CNOT4: variants seen among roughly 807,000 people sequenced by gnomAD.
The protein encoded by CNOT4 is CCR4-associated factor 4.
CNOT4 carries 8 observed loss-of-function variants against 73.8 expected under a neutral mutation model. That is an observed-to-expected ratio of 0.11 (90% CI 0.06 to 0.20). CNOT4 has a LOEUF of 0.20. CNOT4 is among the 10% of genes least tolerant of loss of function. CNOT4 has a pLI of 1.00. For synonymous variants in CNOT4, 293 were observed against 321.1 expected (o/e 0.91, Z 0.94); for missense variants, 564 against 883.4 (o/e 0.64, Z 4.58).
intron 7 of CNOT4, among the ~76,000 whole-genome samples, chr7:135,409,374 TTACTA>T (rs767529515): frequency 6.6e-6 from 1 of 152,198 alleles, no homozygotes; most frequent in African/African-American, 2.4e-5. Flanking sequence ...TTTACATAGT[TTACTA>T]TACAGTAACT....
At chr7:135,508,177 T>C (rs894698153) in intron 1 of CNOT4, among the ~76,000 whole-genome samples, 17 of 152,354 alleles carry the variant, frequency 1.1e-4, no homozygotes, top group Admixed American at 5.2e-4. Flanking sequence ...TACAATGTCA[T>C]GTAAGTCATG....
At chr7:135,419,723 G>A (rs1798072553) in intron 3 of CNOT4, among the ~76,000 whole-genome samples, 1 of 151,982 alleles carries the variant, frequency 6.6e-6, no homozygotes, top group Admixed American at 6.6e-5. Flanking sequence ...TCTTACTAGA[G>A]TTACTTGAAA....
chr7:135,426,799 T>C (rs1798530839), intron 2 of CNOT4, among the ~76,000 whole-genome samples: 1 of 151,556 alleles, frequency 6.6e-6, no homozygotes, highest in South Asian at 2.1e-4. Flanking sequence ...GGCAGGTGCC[T>C]GTAATCCCAG....
chr7:135,488,187 G>A (rs552728697), intron 1 of CNOT4, among the ~76,000 whole-genome samples: 41 of 150,378 alleles, frequency 2.7e-4, no homozygotes, highest in African/African-American at 1.0e-3. Context: ...GTCTTTTTTT[G>A]AGCTCTGTTA....
intron 7 of CNOT4, among the ~76,000 whole-genome samples, chr7:135,406,650 C>T (rs1446509113): frequency 6.6e-6 from 1 of 152,088 alleles, no homozygotes; most frequent in East Asian, 1.9e-4. Flanking sequence ...GACAGCAAGA[C>T]TCTCAAAAAT....
chr7:135,504,334 C>T (rs1804194072), intron 1 of CNOT4, among the ~76,000 whole-genome samples: 1 of 149,104 alleles, frequency 6.7e-6, no homozygotes, highest in African/African-American at 2.5e-5. Context: ...CTCACTCTGT[C>T]ACCCAGGCTA....
At chr7:135,477,197 G>A (rs1284618252) in intron 1 of CNOT4, among the ~76,000 whole-genome samples, 1 of 151,982 alleles carries the variant, frequency 6.6e-6, no homozygotes, top group African/African-American at 2.4e-5. Flanking sequence ...ACAAAAATTA[G>A]CCAGGCATGG....
intron 8 of CNOT4, among the ~76,000 whole-genome samples, chr7:135,397,562 C>G (rs1320157329): frequency 6.7e-6 from 1 of 150,014 alleles, no homozygotes; most frequent in Non-Finnish European, 1.5e-5. Flanking sequence ...ATTTATTTTA[C>G]CAATGTAAGA....
intron 7 of CNOT4, among the ~76,000 whole-genome samples, chr7:135,407,705 T>TG (rs397706988): frequency 6.6e-6 from 1 of 151,538 alleles, no homozygotes; most frequent in Non-Finnish European, 1.5e-5. Flanking sequence ...TTTTGTTTTT[T>TG]GTAGAGGCAG....
rs925681309 is a variant in CNOT4 at position 135,363,394 on chromosome 7, CTT to C, written c.1841-210_1841-209del. 3.9e-5 allele frequency among the ~76,000 whole-genome samples: 6 copies of C among 152,338 alleles called. No homozygotes were observed. Among genetic ancestry groups the C allele is most frequent in the African/African-American group, 1.4e-4 (6 of 41,572 alleles). On this transcript the variant is annotated intron_variant, in intron 11 of 11. Coordinates refer to ENST00000541284, the MANE Select transcript of CNOT4 (RefSeq NM_001190850.2). This position sits in a 1 kb window ranked among gnomAD's most constrained non-coding sequence, Gnocchi z 4.3. The stretch of plus-strand genomic sequence containing the variant: ...AACCCATGCCTCCTCTTGAACTAGA[CTT>C]AGTCCCCCACTGTCACAGAGGCAGA...
chr7:135,402,160 A>C (rs1300321420), intron 7 of CNOT4, among the ~76,000 whole-genome samples: 1 of 143,162 alleles, frequency 7.0e-6, no homozygotes, highest in Non-Finnish European at 1.5e-5. Flanking sequence ...CCCAGGCTGG[A>C]GTGCAGTAGC....
At chr7:135,382,441 T>C (rs1303490410) in intron 10 of CNOT4, among the ~76,000 whole-genome samples, 3 of 152,196 alleles carry the variant, frequency 2.0e-5, no homozygotes, top group Non-Finnish European at 2.9e-5. Context: ...TCTTGAGCAA[T>C]GATTTGTACT....
At chr7:135,505,535 G>A (rs1254866860) in intron 1 of CNOT4, among the ~76,000 whole-genome samples, 2 of 152,124 alleles carry the variant, frequency 1.3e-5, no homozygotes, top group African/African-American at 4.8e-5. Flanking sequence ...CTGGGTGACA[G>A]AGCGAGACTC....
intron 2 of CNOT4, 106 bp from the exon 3 acceptor site, chr7:135,422,459 C>G (rs1321406313): frequency 1.6e-6 from 1 of 633,640 alleles, no homozygotes; most frequent in East Asian, 2.6e-5. Context: ...CTGTTACATT[C>G]TCCCTTTATT....
At chr7:135,470,023 A>G (rs1801476246) in intron 1 of CNOT4, among the ~76,000 whole-genome samples, 1 of 152,070 alleles carries the variant, frequency 6.6e-6, no homozygotes. Flanking sequence ...GGGTATCGTC[A>G]CATTGGTTAG....
intron 1 of CNOT4, among the ~76,000 whole-genome samples, chr7:135,451,903 G>C (rs1372872257): frequency 6.6e-6 from 1 of 152,196 alleles, no homozygotes; most frequent in Non-Finnish European, 1.5e-5. Context: ...ACATGTGCAA[G>C]TATTATATGC....
intron 1 of CNOT4, among the ~76,000 whole-genome samples, chr7:135,492,841 T>C (rs1803205316): frequency 6.6e-6 from 1 of 152,110 alleles, no homozygotes; most frequent in Non-Finnish European, 1.5e-5. Flanking sequence ...GTAAGATCAT[T>C]AAAGAAGACA....
At chr7:135,394,472 A>G (rs992190318) in intron 9 of CNOT4, 57 bp from the exon 10 acceptor site, 111 of 1,342,066 alleles carry the variant, frequency 8.3e-5, no homozygotes, top group Admixed American at 8.7e-5. Flanking sequence ...TTCATACTTA[A>G]TAAGTATCCA....
intron 5 of CNOT4, among the ~76,000 whole-genome samples, chr7:135,414,041 A>G (rs1443982725): frequency 6.6e-6 from 1 of 152,024 alleles, no homozygotes; most frequent in Non-Finnish European, 1.5e-5. Context: ...AGGACTACCT[A>G]TTTCTGAAGA....
Sources: gnomAD v4.1 joint callset for allele counts (sites outside exome capture counted in the v4.1 genomes callset) on GRCh38, gnomAD v4.1.1 for gene constraint, Gnocchi (gnomAD v3.1) non-coding constraint, MANE v1.5 for transcripts, NCBI Gene and HGNC (gene_info 2026-07-23, HGNC 2026-07-21) for gene names.